Variants in SH3GL2 observed in about 807,000 individuals in gnomAD.
SH3GL2 encodes the protein SH3 domain containing GRB2 like 2, endophilin A1, also known as endophilin-A1.
Under a neutral mutation model 46.0 loss-of-function variants are expected in SH3GL2, and 24 were observed. The ratio of observed to expected loss-of-function variants is 0.52; its 90% CI spans 0.38 to 0.73. SH3GL2 has a LOEUF of 0.73. SH3GL2 is among the 30% of genes least tolerant of loss of function. The pLI is 0.00. For missense variants in SH3GL2, 413 were observed against 424.2 expected (o/e 0.97, Z 0.23); for synonymous variants, 196 against 147.1 (o/e 1.33, Z -2.40).
At chr9:17,592,354 G>C (rs952674641) in intron 1 of SH3GL2, among the ~76,000 whole-genome samples, 10 of 152,154 alleles carry the variant, frequency 6.6e-5, no homozygotes, top group Admixed American at 1.3e-4. Flanking sequence ...GACACACACA[G>C]AAATATTTTA....
At chr9:17,667,883 T>G (rs1404840315) in intron 1 of SH3GL2, among the ~76,000 whole-genome samples, 4 of 152,202 alleles carry the variant, frequency 2.6e-5, no homozygotes, top group Non-Finnish European at 5.9e-5. Context: ...TGTGATTTGA[T>G]TTGTGTTTCT....
chr9:17,655,430 A>C (rs1432298240), intron 1 of SH3GL2, among the ~76,000 whole-genome samples: 1 of 152,132 alleles, frequency 6.6e-6, no homozygotes, highest in African/African-American at 2.4e-5. Flanking sequence ...ATATGCGCTG[A>C]GTCCATTCTA....
intron 1 of SH3GL2, among the ~76,000 whole-genome samples, chr9:17,728,239 C>G (rs987068909): frequency 2.0e-5 from 3 of 151,980 alleles, no homozygotes; most frequent in South Asian, 2.1e-4. Flanking sequence ...TTGGCACATT[C>G]ATCATATCCT....
At chr9:17,674,532 C>CCTGG (rs1161505823) in intron 1 of SH3GL2, among the ~76,000 whole-genome samples, 2 of 152,086 alleles carry the variant, frequency 1.3e-5, no homozygotes, top group Non-Finnish European at 2.9e-5. Flanking sequence ...TCCCAAAGTG[C>CCTGG]TGGGATTACA....
chr9:17,772,431 C>A (rs906826482), intron 3 of SH3GL2, among the ~76,000 whole-genome samples: 2 of 152,148 alleles, frequency 1.3e-5, no homozygotes, highest in South Asian at 4.1e-4. Context: ...ATCACCACCA[C>A]CATCCATCTC....
intron 1 of SH3GL2, among the ~76,000 whole-genome samples, chr9:17,635,068 G>A (rs762842693): frequency 1.8e-4 from 27 of 152,122 alleles, no homozygotes; most frequent in Admixed American, 6.6e-5. Context: ...TTGTTGTACA[G>A]ATGATTTCAT....
intron 3 of SH3GL2, among the ~76,000 whole-genome samples, chr9:17,783,275 T>G (rs1389120266): frequency 1.3e-5 from 2 of 151,968 alleles, no homozygotes; most frequent in East Asian, 1.9e-4. Flanking sequence ...TCTGCTGTTT[T>G]CCATGGAAAG....
intron 2 of SH3GL2, among the ~76,000 whole-genome samples, chr9:17,759,123 TC>T (rs1228857631): frequency 6.6e-6 from 1 of 152,090 alleles, no homozygotes; most frequent in African/African-American, 2.4e-5. Context: ...TTCACAGCCT[TC>T]CTTGCTCACC....
chr9:17,623,876 GAGTAA>G (rs1819215300), intron 1 of SH3GL2, among the ~76,000 whole-genome samples: 1 of 151,974 alleles, frequency 6.6e-6, no homozygotes, highest in East Asian at 1.9e-4. Context: ...TTATCAACTT[GAGTAA>G]ATTTAACATT....
At chr9:17,647,032 C>T (rs192054836) in intron 1 of SH3GL2, among the ~76,000 whole-genome samples, 2 of 152,218 alleles carry the variant, frequency 1.3e-5, no homozygotes, top group African/African-American at 4.8e-5. Context: ...ATCTATAAGC[C>T]CCTGACCGGG....
intron 1 of SH3GL2, among the ~76,000 whole-genome samples, chr9:17,609,472 G>A (rs1021211823): frequency 6.6e-6 from 1 of 152,072 alleles, no homozygotes; most frequent in African/African-American, 2.4e-5. Flanking sequence ...CATGAAGTTG[G>A]CCAGATGGTC....
chr9:17,579,142 G>T lies in SH3GL2; in HGVS notation c.-101G>T, dbSNP rs1034274670. 3.2e-5 allele frequency: 25 copies of T among 779,374 alleles called. No homozygotes were observed. Among genetic ancestry groups the T allele is most frequent in the South Asian group, 4.5e-5 (2 of 44,474 alleles). The allele number at this position is 779,374 out of a possible 1,614,324, so 48.3% of individuals were successfully genotyped here. ...GCGCCCATAGCCCCGGCGGCGGCAC[G>T]ACCAGAGGCGGCCAGGGGAGCGCGC... On this transcript the variant is annotated 5_prime_UTR_variant, in exon 1 of 9. Transcript: ENST00000380607.
At chr9:17,654,172 A>G (rs892690329) in intron 1 of SH3GL2, among the ~76,000 whole-genome samples, 2 of 152,086 alleles carry the variant, frequency 1.3e-5, no homozygotes, top group African/African-American at 2.4e-5. Context: ...ACCAGATTGG[A>G]AAAACTGATA....
chr9:17,779,729 G>A (rs1384583309), intron 3 of SH3GL2, among the ~76,000 whole-genome samples: 2 of 152,132 alleles, frequency 1.3e-5, no homozygotes, highest in African/African-American at 4.8e-5. Flanking sequence ...TAATGGCCTA[G>A]CCTTCAAGAT....
At chr9:17,581,372 G>T (rs1818274379) in intron 1 of SH3GL2, among the ~76,000 whole-genome samples, 1 of 152,182 alleles carries the variant, frequency 6.6e-6, no homozygotes. Flanking sequence ...CTGCGTCATT[G>T]TCTTCCTTTT....
chr9:17,668,307 TA>T (rs1269553972), intron 1 of SH3GL2, among the ~76,000 whole-genome samples: 7 of 152,234 alleles, frequency 4.6e-5, no homozygotes, highest in Non-Finnish European at 8.8e-5. Context: ...AAGTGTGTGG[TA>T]GGTGTCCAGC....
chr9:17,752,782 T>C (rs1822883324), intron 2 of SH3GL2, among the ~76,000 whole-genome samples: 1 of 152,188 alleles, frequency 6.6e-6, no homozygotes, highest in African/African-American at 2.4e-5. Flanking sequence ...CATGGGAGTT[T>C]ATTGTACAGA....
intron 1 of SH3GL2, among the ~76,000 whole-genome samples, chr9:17,698,228 C>A (rs1263677586): frequency 3.9e-5 from 6 of 152,192 alleles, no homozygotes; most frequent in Non-Finnish European, 7.3e-5. Flanking sequence ...CATCTTAAGG[C>A]CTCCAGGCTT....
At chr9:17,738,483 T>TACAC (rs1012442741) in intron 1 of SH3GL2, among the ~76,000 whole-genome samples, 2 of 150,002 alleles carry the variant, frequency 1.3e-5, no homozygotes, top group South Asian at 4.2e-4. Context: ...TACTTATGTA[T>TACAC]ACACACACAC....
Sources: gnomAD v4.1 joint callset for allele counts (sites outside exome capture counted in the v4.1 genomes callset) on GRCh38, gnomAD v4.1.1 for gene constraint, MANE v1.5 for transcripts, NCBI Gene and HGNC (gene_info 2026-07-23, HGNC 2026-07-21) for gene names.